Variants in PDE9A observed in about 807,000 individuals in gnomAD.
PDE9A encodes the protein phosphodiesterase 9A, also known as high affinity cGMP-specific 3',5'-cyclic phosphodiesterase 9A.
PDE9A carries 60 observed loss-of-function variants against 87.4 expected under a neutral mutation model. The observed-to-expected ratio is 0.69, with a 90% CI of 0.56 to 0.85. PDE9A has a LOEUF of 0.85. Ranked by LOEUF, PDE9A falls within the 40% of genes least tolerant of loss-of-function variation. PDE9A has a pLI of 0.00. For synonymous variants in PDE9A, 272 were observed against 279.4 expected, an observed-to-expected ratio of 0.97 and a Z score of 0.27; for missense variants, 665 against 779.0, an observed-to-expected ratio of 0.85 and a Z score of 1.74.
At position 42,692,840 on chromosome 21, in the gene PDE9A, T is replaced by C. The variant is rs949763998; in HGVS notation, c.218+4846T>C. ...TGACATGCGGCCATCCTCAGAGATG[T>C]GCTTCGGGGCCCGCACGCCTTGCTC... On this transcript the variant is annotated intron_variant, in intron 3 of 19. Transcript: ENST00000291539. The surrounding 1 kb of genome is among the most constrained non-coding windows in gnomAD (Gnocchi z 4.3). Among the ~76,000 whole-genome samples the C allele has an allele frequency of 1.3e-5, 2 of 152,134 alleles. No individual in the cohort carries two copies. Among genetic ancestry groups the C allele is most frequent in the South Asian group, 2.1e-4 (1 of 4,824 alleles).
At chr21:42,688,118 A>G (rs13046426) in intron 3 of PDE9A, 124 bp downstream of exon 3, 131,936 of 805,218 alleles carry the variant, frequency 0.16, 11,812 homozygotes, top group East Asian at 0.34. Flanking sequence ...AGAGATGGAG[A>G]GCGAGGGTAG....
intron 1 of PDE9A, among the ~76,000 whole-genome samples, chr21:42,667,280 AC>A (rs2058070662): frequency 6.6e-6 from 1 of 152,162 alleles, no homozygotes; most frequent in Non-Finnish European, 1.5e-5. Context: ...TCCATGGAAA[AC>A]AGAGAGACAA....
intron 19 of PDE9A, among the ~76,000 whole-genome samples, chr21:42,774,308 C>G (rs751163568): frequency 2.8e-4 from 42 of 152,148 alleles, no homozygotes; most frequent in African/African-American, 1.0e-3. Flanking sequence ...TGAGTCCAGG[C>G]TTGCCAATTA....
chr21:42,754,215 G>T, intron 10 of PDE9A, 151 bp downstream of exon 10: 1 of 596,400 alleles, frequency 1.7e-6, no homozygotes. Flanking sequence ...TGTTTTGCCA[G>T]GTTTTAGTTG....
In PDE9A at chr21:42,739,624, A is replaced by G. The variant is rs758687721; in HGVS notation, c.569-4152A>G. 1.3e-5 allele frequency among the ~76,000 whole-genome samples: 2 copies of G among 152,154 alleles called. No homozygotes were observed. The highest frequency in any genetic ancestry group is 2.4e-5 in the African/African-American group (1 of 41,430). On this transcript the variant is annotated intron_variant, in intron 7 of 19. Coordinates refer to ENST00000291539, the MANE Select transcript of PDE9A (RefSeq NM_002606.3). This position sits in a 1 kb window ranked among gnomAD's most constrained non-coding sequence, Gnocchi z 4.1. ...TAAACTTAATTGCCACAAATTCTGC[A>G]TCTCTGGGATGCAAACTAGTGAAGC...
intron 7 of PDE9A, 76 bp from the exon 8 acceptor site, chr21:42,743,700 C>T (rs1001051753): frequency 2.2e-6 from 2 of 901,282 alleles, no homozygotes; most frequent in Non-Finnish European, 3.6e-6. Flanking sequence ...CACAGGGAGC[C>T]CTTAGTTACC....
intron 1 of PDE9A, among the ~76,000 whole-genome samples, chr21:42,672,880 G>A (rs917646591): frequency 3.3e-5 from 5 of 152,182 alleles, no homozygotes; most frequent in Admixed American, 6.5e-5. Context: ...TGGCATCCCC[G>A]AGTTAAGACA....
rs960745939 is a variant in PDE9A, at chr21:42,723,002, G to A, written c.263-8768G>A. ...CTTCTGGGCATCGTGTGGGGTGGGGGCAGCCCCTGCCCTGGACACCCGTGA... is the reference window on the plus strand; with the variant it reads ...CTTCTGGGCATCGTGTGGGGTGGGGACAGCCCCTGCCCTGGACACCCGTGA... On this transcript the variant is annotated intron_variant, in intron 4 of 19. Coordinates refer to ENST00000291539, the MANE Select transcript of PDE9A (RefSeq NM_002606.3). The surrounding 1 kb of genome is among the most constrained non-coding windows in gnomAD (Gnocchi z 4.3). 6.6e-6 allele frequency among the ~76,000 whole-genome samples: 1 copy of A among 152,204 alleles called. No homozygotes were observed. Among genetic ancestry groups the A allele is most frequent in the Non-Finnish European group, 1.5e-5 (1 of 68,020 alleles).
chr21:42,711,682 C>G (rs1186194489), intron 4 of PDE9A, among the ~76,000 whole-genome samples: 1 of 151,994 alleles, frequency 6.6e-6, no homozygotes, highest in Admixed American at 6.6e-5. Context: ...TTTTAACAAC[C>G]CAATCTGTTG....
At position 42,696,026 on chromosome 21, in the gene PDE9A, C is replaced by T. The variant is rs2146291903; in HGVS notation, c.219-2942C>T. Among the ~76,000 whole-genome samples, 1 of 152,332 alleles carries T rather than the reference C, an allele frequency of 6.6e-6. No individual in the cohort carries two copies. Among genetic ancestry groups the T allele is most frequent in the African/African-American group, 2.4e-5 (1 of 41,574 alleles). ...TTCACAGAGGCTCCCTGTCCGTCCA[C>T]TTTTCCCTCTGTTGCTGATGTGATG... is the stretch of plus-strand genomic sequence containing the variant. On this transcript the variant is annotated intron_variant, in intron 3 of 19. Coordinates refer to ENST00000291539, the MANE Select transcript of PDE9A (RefSeq NM_002606.3). This position sits in a 1 kb window ranked among gnomAD's most constrained non-coding sequence, Gnocchi z 5.1.
chr21:42,681,785 G>GT (rs764560403), intron 1 of PDE9A, among the ~76,000 whole-genome samples: 12 of 152,276 alleles, frequency 7.9e-5, no homozygotes, highest in East Asian at 1.9e-4. Flanking sequence ...TAAAACTTTC[G>GT]TTTTTCCCTT....
chr21:42,765,190 A>G (rs893037984), intron 14 of PDE9A, among the ~76,000 whole-genome samples, 191 bp from the exon 15 acceptor site: 2 of 152,140 alleles, frequency 1.3e-5, no homozygotes, highest in Non-Finnish European at 2.9e-5. Flanking sequence ...GGGTGGATGG[A>G]TGGATGAATG....
At chr21:42,767,196 A>G (rs9325639) in intron 15 of PDE9A, among the ~76,000 whole-genome samples, 75,865 of 151,904 alleles carry the variant, frequency 0.5, 20,089 homozygotes, top group African/African-American at 0.68. Context: ...AATGGGCCCC[A>G]ATAGGGAGGC....
intron 1 of PDE9A, among the ~76,000 whole-genome samples, chr21:42,668,898 A>ACCACC (rs780490567): frequency 9.5e-6 from 1 of 104,782 alleles, no homozygotes; most frequent in Non-Finnish European, 1.9e-5. Context: ...TGCTCCCTCC[A>ACCACC]CCCCCCGCCA....
chr21:42,697,477 G>A, intron 3 of PDE9A: 1 of 1,604,100 alleles, frequency 6.2e-7, no homozygotes, highest in African/African-American at 1.3e-5. Flanking sequence ...AAGGAGTCAT[G>A]GGCGTCCCAC....
At chr21:42,683,235 C>T (rs2059265125) in intron 1 of PDE9A, among the ~76,000 whole-genome samples, 1 of 152,174 alleles carries the variant, frequency 6.6e-6, no homozygotes, top group Admixed American at 6.5e-5. Flanking sequence ...GCCCTGGAAG[C>T]CCTGGGCAGC....
chr21:42,760,716 G>T lies in PDE9A; in HGVS notation c.1003-109G>T, dbSNP rs1228977963. ...CCATGCCAGGAGATGCCAGATGGCT[G>T]CAGGGGCCTTTGTCCCCCGCTTACC... is the stretch of plus-strand genomic sequence containing the variant. On this transcript the variant is annotated intron_variant, in intron 12 of 19. Coordinates refer to ENST00000291539, the MANE Select transcript of PDE9A (RefSeq NM_002606.3). This position sits in a 1 kb window ranked among gnomAD's most constrained non-coding sequence, Gnocchi z 5.2. The T allele has an allele frequency of 2.7e-6, 2 of 731,232 alleles. No individual in the cohort carries two copies. The highest frequency in any genetic ancestry group is 4.0e-5 in the Admixed American group (2 of 50,026). The allele number at this position is 731,232 out of a possible 1,614,324, so 45.3% of individuals were successfully genotyped here. A position where few individuals can be genotyped will look rare whatever the true frequency, so the allele number is the denominator to read the frequency against.
chr21:42,680,931 C>T (rs897804549), intron 1 of PDE9A, among the ~76,000 whole-genome samples: 14 of 152,166 alleles, frequency 9.2e-5, no homozygotes, highest in Non-Finnish European at 1.8e-4. Context: ...CAAAATGTGG[C>T]GAAAAGTTTT....
In PDE9A at chr21:42,654,539, C is replaced by G. The variant is rs1212364742; in HGVS notation, c.69+656C>G. Among the ~76,000 whole-genome samples the G allele has an allele frequency of 3.3e-5, 5 of 152,282 alleles. No homozygotes were observed. The South Asian group carries it at 8.3e-4, about 25-fold the overall frequency. On this transcript the variant is annotated intron_variant, in intron 1 of 19. Coordinates refer to ENST00000291539, the MANE Select transcript of PDE9A (RefSeq NM_002606.3). ...GGGCAGGGAGGGACAATGAGCGCGC[C>G]GGCTTGGAAGGGGCTCTCATGAGCT...
Sources: allele counts gnomAD v4.1 joint callset (sites outside exome capture counted in the v4.1 genomes callset), GRCh38; gene constraint gnomAD v4.1.1; non-coding constraint Gnocchi (gnomAD v3.1); transcripts MANE v1.5; gene names NCBI Gene and HGNC (gene_info 2026-07-23, HGNC 2026-07-21).